Variants in TMEM131L observed in about 807,000 individuals in gnomAD.
TMEM131L encodes the protein transmembrane protein 131-like.
A neutral mutation model predicts 192.2 loss-of-function variants in TMEM131L; 54 were observed. The ratio of observed to expected loss-of-function variants is 0.28; its 90% CI spans 0.23 to 0.35. The LOEUF (loss-of-function observed/expected upper bound fraction) is 0.35, where lower values mean the gene tolerates loss of function less well. TMEM131L is among the 10% of genes least tolerant of loss of function. The pLI is 1.00. For missense variants in TMEM131L, 1,888 were observed against 1,972.9 expected, an observed-to-expected ratio of 0.96 and a Z score of 0.82; for synonymous variants, 701 against 704.9, an observed-to-expected ratio of 0.99 and a Z score of 0.09.
rs995545337 is a variant in TMEM131L at position 153,603,990 on chromosome 4, C to T, written c.2978C>T (p.Ala993Val). 11 of 1,614,100 alleles carry T rather than the reference C, an allele frequency of 6.8e-6. No individual in the cohort carries two copies. Among genetic ancestry groups the T allele is most frequent in the Non-Finnish European group, 9.3e-6 (11 of 1,180,008 alleles). Reference sequence around the variant, plus strand: ...TACAGTAAACACAAAACCAGCACAGCTGCGGCCAGCAGCACCAGCACGACT... The same window carrying T: ...TACAGTAAACACAAAACCAGCACAGTTGCGGCCAGCAGCACCAGCACGACT... ...VYYSKHKTST[A>V]AASSTSTTTE... Residue 993 changes from alanine to valine, a missense_variant, in exon 25 of 35, where the codon GCT (alanine) becomes GTT (valine). Ala to Val is a moderately conservative substitution (Grantham distance 64). Transcript: ENST00000409959.
At chr4:153,571,570 T>C (rs1223080716) in intron 7 of TMEM131L, among the ~76,000 whole-genome samples, 1 of 152,218 alleles carries the variant, frequency 6.6e-6, no homozygotes, top group Non-Finnish European at 1.5e-5. Context: ...TTATTTTTAC[T>C]TTTGTTTTAA....
intron 25 of TMEM131L, among the ~76,000 whole-genome samples, chr4:153,605,242 G>A (rs993246913): frequency 2.6e-5 from 4 of 152,178 alleles, no homozygotes; most frequent in African/African-American, 4.8e-5. Context: ...GACCTCCATT[G>A]GGAATTGTCA....
chr4:153,577,481 C>G (rs535548509), intron 7 of TMEM131L, among the ~76,000 whole-genome samples: 11 of 152,210 alleles, frequency 7.2e-5, no homozygotes, highest in Admixed American at 2.6e-4. Context: ...GTAGGCTGTA[C>G]AGTCTCTGTT....
chr4:153,540,501 G>T (rs1399947470), intron 3 of TMEM131L, among the ~76,000 whole-genome samples: 1 of 152,138 alleles, frequency 6.6e-6, no homozygotes, highest in Non-Finnish European at 1.5e-5. Context: ...TGTATCATAT[G>T]TGTTATGTAT....
At chr4:153,596,198 T>C in intron 19 of TMEM131L, 60 bp from the exon 20 acceptor site, 1 of 1,595,230 alleles carries the variant, frequency 6.3e-7, no homozygotes, top group Non-Finnish European at 8.6e-7. Context: ...AGGATGCACT[T>C]AATGACAATG....
At chr4:153,620,631 A>G (rs945541702) in intron 26 of TMEM131L, 125 bp from the exon 27 acceptor site, 16 of 512,754 alleles carry the variant, frequency 3.1e-5, no homozygotes, top group Admixed American at 9.3e-5. Context: ...GCTGAGCAAC[A>G]TACTTCTCAG....
intron 12 of TMEM131L, 130 bp downstream of exon 12, chr4:153,585,061 C>T: frequency 1.4e-6 from 1 of 700,702 alleles, no homozygotes; most frequent in Non-Finnish European, 2.5e-6. Flanking sequence ...CTCCCCTTGC[C>T]TTAGCATTGC....
chr4:153,534,072 A>G (rs1736123899), intron 3 of TMEM131L, among the ~76,000 whole-genome samples: 1 of 152,218 alleles, frequency 6.6e-6, no homozygotes, highest in Non-Finnish European at 1.5e-5. Context: ...ATACTGAGTA[A>G]TTAAAAAGAA....
At chr4:153,572,161 C>A (rs1400136522) in intron 7 of TMEM131L, among the ~76,000 whole-genome samples, 3 of 152,072 alleles carry the variant, frequency 2.0e-5, no homozygotes, top group Non-Finnish European at 4.4e-5. Context: ...GTATTATCAC[C>A]TCAGACATTT....
intron 7 of TMEM131L, among the ~76,000 whole-genome samples, chr4:153,578,774 C>T (rs1029080545): frequency 6.6e-6 from 1 of 152,042 alleles, no homozygotes; most frequent in African/African-American, 2.4e-5. Context: ...CCCGCCTCGG[C>T]CTCCCAAAGT....
At chr4:153,467,409 G>T in intron 2 of TMEM131L, 128 bp downstream of exon 2, 2 of 778,414 alleles carry the variant, frequency 2.6e-6, no homozygotes, top group Non-Finnish European at 4.2e-6. Context: ...GCAAATAAAC[G>T]TTAGGGGCCG....
At chr4:153,612,025 C>G (rs1031348227) in intron 25 of TMEM131L, among the ~76,000 whole-genome samples, 7 of 152,120 alleles carry the variant, frequency 4.6e-5, no homozygotes, top group South Asian at 2.1e-4. Context: ...TGTCCCCCCC[C>G]ACCTTTTTCC....
intron 3 of TMEM131L, among the ~76,000 whole-genome samples, chr4:153,500,474 C>A (rs886211508): frequency 1.3e-5 from 2 of 152,106 alleles, no homozygotes; most frequent in South Asian, 4.1e-4. Flanking sequence ...TGAATGGTGC[C>A]CTATGTAGTG....
intron 18 of TMEM131L, among the ~76,000 whole-genome samples, chr4:153,593,084 T>A (rs1006155572): frequency 6.6e-6 from 1 of 152,230 alleles, no homozygotes; most frequent in African/African-American, 2.4e-5. Context: ...TGGTTGAACC[T>A]GCAGGTTTGG....
chr4:153,475,410 C>T (rs115293648), intron 3 of TMEM131L, among the ~76,000 whole-genome samples: 2,935 of 152,136 alleles, frequency 0.019, 54 homozygotes, highest in South Asian at 0.069. Flanking sequence ...TTTTTCAGTA[C>T]TTACATTTAA....
intron 26 of TMEM131L, among the ~76,000 whole-genome samples, chr4:153,618,645 C>T (rs1302351568): frequency 6.6e-6 from 1 of 152,048 alleles, no homozygotes; most frequent in African/African-American, 2.4e-5. Flanking sequence ...GTAACTTGCC[C>T]AAGGTTACAC....
At chr4:153,602,453 TG>T in intron 22 of TMEM131L, 88 bp from the exon 23 acceptor site, 1 of 1,521,042 alleles carries the variant, frequency 6.6e-7, no homozygotes, top group Non-Finnish European at 9.0e-7. Context: ...ATATTTCTTT[TG>T]TAGGAGTATG....
chr4:153,514,020 G>T (rs1011395034), intron 3 of TMEM131L, among the ~76,000 whole-genome samples: 1 of 152,104 alleles, frequency 6.6e-6, no homozygotes, highest in Non-Finnish European at 1.5e-5. Context: ...CATAATTGTG[G>T]ATTTTAAGTG....
chr4:153,526,579 CA>C (rs796947666), intron 3 of TMEM131L, among the ~76,000 whole-genome samples: 18 of 150,744 alleles, frequency 1.2e-4, no homozygotes, highest in Non-Finnish European at 1.8e-4. Flanking sequence ...CTAAAAAATA[CA>C]AAAAAAAATT....
Sources: gnomAD v4.1 joint callset for allele counts (sites outside exome capture counted in the v4.1 genomes callset) on GRCh38, gnomAD v4.1.1 for gene constraint, MANE v1.5 for transcripts, NCBI Gene and HGNC (gene_info 2026-07-23, HGNC 2026-07-21) for gene names.